The following ANO3 variants were observed in gnomAD, a reference collection of about 807,000 sequenced individuals.
ANO3 encodes anoctamin 3, also known as anoctamin-3.
Under a neutral mutation model 144.8 loss-of-function variants are expected in ANO3, and 99 were observed. That is an observed-to-expected ratio of 0.68 (90% CI 0.58 to 0.81). ANO3 has a LOEUF of 0.81. ANO3 is among the 30% of genes least tolerant of loss of function. ANO3 has a pLI of 0.00. For synonymous variants in ANO3, 414 were observed against 392.6 expected (o/e 1.05, Z -0.64); for missense variants, 905 against 1,202.2 (o/e 0.75, Z 3.66).
At chr11:26,405,459 T>C (rs1857254632) in intron 1 of ANO3, among the ~76,000 whole-genome samples, 1 of 151,844 alleles carries the variant, frequency 6.6e-6, no homozygotes, top group Admixed American at 6.6e-5. Context: ...CAAAACCCAG[T>C]AGCAGGATAT....
At position 26,642,806 on chromosome 11, in the gene ANO3, T is replaced by C. The variant is rs1024883006; in HGVS notation, c.2276-376T>C. Among the ~76,000 whole-genome samples the C allele has an allele frequency of 2.1e-4, 32 of 149,748 alleles. 1 individual carries two copies. The highest frequency in any genetic ancestry group is 7.8e-4 in the African/African-American group (32 of 41,018). ...TCCTCCTCTTCTTTCTCTTTCTTCTTCTTTTTCCTCCTCCTCCTCCATCTC... is the reference window on the plus strand; with the variant it reads ...TCCTCCTCTTCTTTCTCTTTCTTCTCCTTTTTCCTCCTCCTCCTCCATCTC... On this transcript the variant is annotated intron_variant, in intron 22 of 26. Coordinates refer to ENST00000256737, the MANE Select transcript of ANO3 (RefSeq NM_031418.4).
At chr11:26,480,346 A>G (rs1255534381) in intron 4 of ANO3, among the ~76,000 whole-genome samples, 1 of 152,200 alleles carries the variant, frequency 6.6e-6, no homozygotes, top group Non-Finnish European at 1.5e-5. Context: ...AGAAAAAATG[A>G]CAAAATAAAC....
intron 12 of ANO3, 48 bp downstream of exon 12, chr11:26,547,598 T>A (rs768074574): frequency 1.9e-6 from 3 of 1,539,468 alleles, no homozygotes; most frequent in Non-Finnish European, 2.7e-6. Flanking sequence ...GTCTTCTGAA[T>A]GGGCAAAAGT....
chr11:26,561,057 TGTTA>T, intron 14 of ANO3: 1 of 1,602,684 alleles, frequency 6.2e-7, no homozygotes, highest in South Asian at 1.1e-5. Flanking sequence ...GCCTTTTTGC[TGTTA>T]GTTCTATACA....
chr11:26,471,581 C>T (rs911000083), intron 4 of ANO3, among the ~76,000 whole-genome samples: 1 of 151,648 alleles, frequency 6.6e-6, no homozygotes, highest in Non-Finnish European at 1.5e-5. Flanking sequence ...AACACCACCA[C>T]CATCACAAAA....
chr11:26,452,535 G>T (rs1443282597), intron 3 of ANO3, among the ~76,000 whole-genome samples: 1 of 152,076 alleles, frequency 6.6e-6, no homozygotes, highest in East Asian at 1.9e-4. Flanking sequence ...AGAGAAAAAA[G>T]AATAAAAAGA....
intron 3 of ANO3, among the ~76,000 whole-genome samples, chr11:26,451,760 C>G (rs1439631072): frequency 1.3e-5 from 2 of 152,204 alleles, no homozygotes; most frequent in Non-Finnish European, 1.5e-5. Context: ...AGCTGGAGAT[C>G]TGAGAACAGG....
intron 14 of ANO3, among the ~76,000 whole-genome samples, chr11:26,593,458 G>A (rs1001577338): frequency 9.9e-5 from 15 of 152,104 alleles, no homozygotes; most frequent in African/African-American, 3.4e-4. Flanking sequence ...AGATGTCCGG[G>A]GCAGGACAGT....
upstream of ANO3, among the ~76,000 whole-genome samples, chr11:26,306,199 C>T (rs891151775): frequency 6.7e-6 from 1 of 148,880 alleles, no homozygotes; most frequent in Non-Finnish European, 1.5e-5. Flanking sequence ...TGGTCTCGAT[C>T]TCCTGACCTC....
intron 18 of ANO3, among the ~76,000 whole-genome samples, chr11:26,625,170 C>T (rs1852542290): frequency 6.6e-6 from 1 of 152,206 alleles, no homozygotes. Flanking sequence ...CGTGATCTGC[C>T]CGCCTCGGCC....
intron 1 of ANO3, among the ~76,000 whole-genome samples, chr11:26,221,156 A>C (rs1223498603): frequency 6.6e-6 from 1 of 152,182 alleles, no homozygotes; most frequent in Admixed American, 6.5e-5. Context: ...AATCGAAGGA[A>C]TGTGGTGTGA....
intron 3 of ANO3, among the ~76,000 whole-genome samples, chr11:26,444,209 A>C (rs751022149): frequency 2.6e-4 from 40 of 152,172 alleles, no homozygotes; most frequent in Non-Finnish European, 5.6e-4. Flanking sequence ...GGATACTATA[A>C]ATTTTATTTA....
intron 14 of ANO3, among the ~76,000 whole-genome samples, chr11:26,564,000 G>T (rs1256735369): frequency 6.6e-6 from 1 of 151,450 alleles, no homozygotes; most frequent in Non-Finnish European, 1.5e-5. Context: ...CATTAATTAG[G>T]TAGGCAAAGG....
intron 1 of ANO3, among the ~76,000 whole-genome samples, chr11:26,240,010 T>C (rs1394486237): frequency 6.6e-6 from 1 of 152,212 alleles, no homozygotes; most frequent in Non-Finnish European, 1.5e-5. Context: ...TTGTTAAGAT[T>C]GTAAGATGTG....
Position 26,544,273 on chromosome 11 carries a change from T to TATATATATATACACACACACAC in ANO3, c.1154+2206_1154+2207insTATATATATACACACACACACA. 1.3e-3 allele frequency among the ~76,000 whole-genome samples: 76 copies of TATATATATATACACACACACAC among 58,550 alleles called. 2 individuals are homozygous for TATATATATATACACACACACAC. Among genetic ancestry groups the TATATATATATACACACACACAC allele is most frequent in the South Asian group, 4.0e-3 (4 of 1,010 alleles). 38.4% of individuals were successfully genotyped at this position (58,550 alleles called of 152,430 possible). ...ATACATATATATATATATATATATA[T>TATATATATATACACACACACAC]ACACACATACACACACACACACACA... On this transcript the variant is annotated intron_variant, in intron 11 of 26. Transcript: ENST00000256737.
intron 4 of ANO3, among the ~76,000 whole-genome samples, chr11:26,489,499 A>T (rs1860615724): frequency 6.6e-6 from 1 of 152,178 alleles, no homozygotes; most frequent in Admixed American, 6.5e-5. Flanking sequence ...AAGCTGCGAG[A>T]AGAGGGCTGC....
chr11:26,618,540 G>A (rs1168354884), intron 17 of ANO3, among the ~76,000 whole-genome samples: 1 of 152,108 alleles, frequency 6.6e-6, no homozygotes, highest in Non-Finnish European at 1.5e-5. Context: ...TAGTAAACGT[G>A]CTTGTCATGT....
At chr11:26,593,773 G>A (rs1848564) in intron 14 of ANO3, among the ~76,000 whole-genome samples, 42,205 of 151,530 alleles carry the variant, frequency 0.28, 6,347 homozygotes, top group South Asian at 0.46. Flanking sequence ...GCCCTATTAG[G>A]CATGTGATTT....
chr11:26,256,716 T>C (rs1177571395), intron 1 of ANO3, among the ~76,000 whole-genome samples: 2 of 152,218 alleles, frequency 1.3e-5, no homozygotes, highest in Non-Finnish European at 2.9e-5. Context: ...TGTGACAACG[T>C]ACACAATTAA....
Sources: gnomAD v4.1 joint callset for allele counts (sites outside exome capture counted in the v4.1 genomes callset) on GRCh38, gnomAD v4.1.1 for gene constraint, MANE v1.5 for transcripts, NCBI Gene and HGNC (gene_info 2026-07-23, HGNC 2026-07-21) for gene names.